The following ROBO2 variants were observed in gnomAD, a reference collection of about 807,000 sequenced individuals.
ROBO2 encodes the protein roundabout guidance receptor 2, also known as roundabout homolog 2.
A neutral mutation model predicts 160.8 loss-of-function variants in ROBO2; 53 were observed. The ratio of observed to expected loss-of-function variants is 0.33; its 90% CI spans 0.26 to 0.41. The LOEUF (loss-of-function observed/expected upper bound fraction) is 0.41. Among genes scored for constraint, ROBO2 ranks in the 10% least tolerant of loss-of-function variants. The pLI is 1.00. For synonymous variants in ROBO2, 664 were observed against 611.7 expected (o/e 1.09, Z -1.26); for missense variants, 1,577 against 1,722.4 (o/e 0.92, Z 1.49).
intron 2 of ROBO2, among the ~76,000 whole-genome samples, chr3:77,244,776 G>C (rs569517917): frequency 1.3e-5 from 2 of 151,570 alleles, no homozygotes. Context: ...TACTCGGGAG[G>C]CTGAGGCAGG....
At chr3:76,033,657 C>G (rs992200331) in intron 2 of ROBO2, among the ~76,000 whole-genome samples, 1 of 152,120 alleles carries the variant, frequency 6.6e-6, no homozygotes, top group Non-Finnish European at 1.5e-5. Context: ...TTATTGGGTA[C>G]GATGTCATGA....
intron 2 of ROBO2, among the ~76,000 whole-genome samples, chr3:77,206,344 A>T (rs116727685): frequency 6.6e-6 from 1 of 151,952 alleles, no homozygotes; most frequent in Admixed American, 6.6e-5. Context: ...TAATTTTTGC[A>T]TTTTTGGTGG....
chr3:77,412,084 T>C (rs2076848847), intron 2 of ROBO2, among the ~76,000 whole-genome samples: 1 of 152,214 alleles, frequency 6.6e-6, no homozygotes, highest in African/African-American at 2.4e-5. Context: ...AGAGGAGAGT[T>C]ATTAACTTGC....
chr3:76,039,380 T>C (rs1228526558), intron 2 of ROBO2, among the ~76,000 whole-genome samples: 1 of 152,008 alleles, frequency 6.6e-6, no homozygotes, highest in Non-Finnish European at 1.5e-5. Context: ...GGACAATGAA[T>C]TTATACTGGC....
intron 2 of ROBO2, among the ~76,000 whole-genome samples, chr3:77,394,129 C>A (rs897418114): frequency 6.6e-6 from 1 of 152,092 alleles, no homozygotes; most frequent in Non-Finnish European, 1.5e-5. Flanking sequence ...AACTTCAAAG[C>A]GGCAAGCATC....
intron 2 of ROBO2, among the ~76,000 whole-genome samples, chr3:76,027,556 A>G (rs915284566): frequency 5.9e-5 from 9 of 151,868 alleles, no homozygotes; most frequent in Non-Finnish European, 1.0e-4. Context: ...CAGTTCTAAT[A>G]TCATAAATAA....
chr3:76,136,747 GTAAAAACAACAGC>G (rs1388027149), intron 2 of ROBO2, among the ~76,000 whole-genome samples: 1 of 152,018 alleles, frequency 6.6e-6, no homozygotes, highest in Non-Finnish European at 1.5e-5. Context: ...AAAGGAGGTT[GTAAAAACAACAGC>G]TAAATCAAAG....
intron 6 of ROBO2, among the ~76,000 whole-genome samples, chr3:77,538,300 T>C (rs2092278898): frequency 1.3e-5 from 2 of 148,168 alleles, no homozygotes; most frequent in Admixed American, 1.4e-4. Flanking sequence ...TGCCTCAGCC[T>C]CCCGAGTAGC....
intron 2 of ROBO2, among the ~76,000 whole-genome samples, chr3:76,026,977 G>A (rs1325105899): frequency 2.0e-5 from 3 of 151,934 alleles, no homozygotes; most frequent in South Asian, 2.1e-4. Context: ...TTACAGAGAT[G>A]TCTGAGGACT....
At chr3:77,555,826 G>A (rs1401084843) in intron 8 of ROBO2, among the ~76,000 whole-genome samples, 1 of 151,910 alleles carries the variant, frequency 6.6e-6, no homozygotes, top group Non-Finnish European at 1.5e-5. Flanking sequence ...TGACTTAAGT[G>A]TCATGGAAAC....
At chr3:77,083,159 T>C (rs1409615060) in intron 1 of ROBO2, among the ~76,000 whole-genome samples, 2 of 152,128 alleles carry the variant, frequency 1.3e-5, no homozygotes, top group East Asian at 3.9e-4. Flanking sequence ...AGTTCTAATA[T>C]AGTAAGTGAT....
In ROBO2 at chr3:76,949,160, G is replaced by C. The variant is rs545588613; in HGVS notation, c.110-148854G>C. Among the ~76,000 whole-genome samples, 28 of 151,652 alleles carry C rather than the reference G, an allele frequency of 1.8e-4. No homozygotes were observed. In the East Asian group the frequency reaches 5.2e-3, roughly 28 times the overall value. On this transcript the variant is annotated intron_variant, in intron 2 of 26. Transcript: ENST00000487694. ...ATATTATAAATGTGCTTAGTTTATA[G>C]TAAATGTCACATAATTCCAATACCT...
At chr3:76,638,891 C>T (rs965306294) in intron 2 of ROBO2, among the ~76,000 whole-genome samples, 9 of 152,090 alleles carry the variant, frequency 5.9e-5, no homozygotes, top group African/African-American at 2.2e-4. Context: ...TGAAAGTAGA[C>T]GATAACTCAC....
At chr3:76,464,950 T>C (rs776215907) in intron 2 of ROBO2, among the ~76,000 whole-genome samples, 8 of 152,122 alleles carry the variant, frequency 5.3e-5, no homozygotes, top group Non-Finnish European at 1.2e-4. Flanking sequence ...GTGTCTGTAA[T>C]TTTATTCATT....
chr3:77,225,502 C>T (rs1202742032), intron 2 of ROBO2, among the ~76,000 whole-genome samples: 4 of 151,336 alleles, frequency 2.6e-5, no homozygotes, highest in Non-Finnish European at 4.4e-5. Context: ...TTTTTTTCTC[C>T]CTGTTCTTCA....
chr3:76,034,942 T>G (rs1427222091), intron 2 of ROBO2, among the ~76,000 whole-genome samples: 1 of 152,060 alleles, frequency 6.6e-6, no homozygotes. Flanking sequence ...GGTCTCTGAT[T>G]TCTTTTACTC....
At chr3:75,965,769 A>T (rs979536106) in intron 2 of ROBO2, among the ~76,000 whole-genome samples, 1 of 151,658 alleles carries the variant, frequency 6.6e-6, no homozygotes, top group Non-Finnish European at 1.5e-5. Flanking sequence ...TGATTAATAG[A>T]TTTTAGAATT....
intron 1 of ROBO2, among the ~76,000 whole-genome samples, chr3:75,923,175 C>T (rs1365763144): frequency 3.9e-5 from 6 of 152,128 alleles, no homozygotes; most frequent in Non-Finnish European, 7.4e-5. Context: ...TTTTGATGCA[C>T]ATTTTTATTG....
chr3:76,902,150 A>T (rs2075283642), intron 2 of ROBO2, among the ~76,000 whole-genome samples: 1 of 152,106 alleles, frequency 6.6e-6, no homozygotes, highest in South Asian at 2.1e-4. Context: ...GATATTATAT[A>T]TACAATGGAG....
Sources: allele counts gnomAD v4.1 joint callset (sites outside exome capture counted in the v4.1 genomes callset), GRCh38; gene constraint gnomAD v4.1.1; transcripts MANE v1.5; gene names NCBI Gene and HGNC (gene_info 2026-07-23, HGNC 2026-07-21).